The following KREMEN1 variants were observed in gnomAD, a reference collection of about 807,000 sequenced individuals.
KREMEN1 encodes kringle containing transmembrane protein 1.
A neutral mutation model predicts 46.5 loss-of-function variants in KREMEN1; 30 were observed. That is an observed-to-expected ratio of 0.65 (90% CI 0.48 to 0.88). KREMEN1 has a LOEUF of 0.88. Among genes scored for constraint, KREMEN1 ranks in the 40% least tolerant of loss-of-function variants. The pLI is 0.00. For missense variants in KREMEN1, 533 were observed against 596.9 expected (o/e 0.89, Z 1.11); for synonymous variants, 214 against 230.6 (o/e 0.93, Z 0.65).
At chr22:29,138,323 C>T (rs967330574) in intron 6 of KREMEN1, among the ~76,000 whole-genome samples, 2 of 152,198 alleles carry the variant, frequency 1.3e-5, no homozygotes, top group Non-Finnish European at 1.5e-5. Flanking sequence ...AAAAAGCGAA[C>T]CTTCCAGGCA....
chr22:29,131,710 G>GCA (rs2038555687), intron 5 of KREMEN1, among the ~76,000 whole-genome samples: 1 of 125,444 alleles, frequency 8.0e-6, no homozygotes, highest in African/African-American at 3.6e-5. Flanking sequence ...GTATATATAT[G>GCA]TATATATGTA....
At position 29,146,100 on chromosome 22, in the gene KREMEN1, G is replaced by A. The variant is rs1222750399; in HGVS notation, c.*3988G>A. The A allele has an allele frequency of 7.1e-6, 7 of 985,716 alleles. No individual in the cohort carries two copies. Among genetic ancestry groups the A allele is most frequent in the Admixed American group, 6.2e-5 (1 of 16,240 alleles). The allele number at this position is 985,716 out of a possible 1,614,324, so 61.1% of individuals were successfully genotyped here. ...GTCAGGCCAGGTCTCCCACGGAGCC[G>A]GGCAGCTCCACACCCCACCACCTGG... is the stretch of plus-strand genomic sequence containing the variant. On this transcript the variant is annotated 3_prime_UTR_variant, in exon 9 of 9. Transcript: ENST00000400335.
chr22:29,121,004 A>T (rs2038347403), intron 3 of KREMEN1, among the ~76,000 whole-genome samples: 1 of 152,168 alleles, frequency 6.6e-6, no homozygotes, highest in Non-Finnish European at 1.5e-5. Context: ...GCCCTCTGGT[A>T]ACTCTGAAAC....
At position 29,073,299 on chromosome 22, in the gene KREMEN1, C is replaced by A; in HGVS notation, c.97+72C>A. On this transcript the variant is annotated intron_variant, in intron 1 of 8. Coordinates refer to ENST00000400335, the MANE Select transcript of KREMEN1 (RefSeq NM_001039570.3). This position sits in a 1 kb window ranked among gnomAD's most constrained non-coding sequence, Gnocchi z 4.4. ...CGAGGGGCGACAAGGGCCGGCCGGC[C>A]TGAGAGCCCCCTCCCTCCCGCTTCA... The A allele has an allele frequency of 1.8e-6, 1 of 565,056 alleles. No individual in the cohort carries two copies. The highest frequency in any genetic ancestry group is 2.4e-6 in the Non-Finnish European group (1 of 410,224). The allele number at this position is 565,056 out of a possible 1,614,324, so 35.0% of individuals were successfully genotyped here.
intron 5 of KREMEN1, among the ~76,000 whole-genome samples, chr22:29,131,554 ATATATATGTG>A (rs1448277394): frequency 0.072 from 5,197 of 72,684 alleles, 134 homozygotes; most frequent in Non-Finnish European, 0.097. Context: ...ATATATATAT[ATATATATGTG>A]TGTGTGTGTG....
Position 29,145,236 on chromosome 22 carries a change from C to T in KREMEN1, c.*3124C>T. On this transcript the variant is annotated 3_prime_UTR_variant, in exon 9 of 9. Transcript: ENST00000400335. Reference sequence around the variant, plus strand: ...GTGGCACTTGAACTTTTAGGAAACTCCTTAGATGAGATAAAGTGGGGGTTG... The same window carrying T: ...GTGGCACTTGAACTTTTAGGAAACTTCTTAGATGAGATAAAGTGGGGGTTG... 1 of 985,666 alleles carries T rather than the reference C, an allele frequency of 1.0e-6. No homozygotes were observed. The highest frequency in any genetic ancestry group is 4.7e-5 in the South Asian group (1 of 21,294). The allele number at this position is 985,666 out of a possible 1,614,324, so 61.1% of individuals were successfully genotyped here.
chr22:29,106,128 T>C (rs2038055435), intron 3 of KREMEN1, among the ~76,000 whole-genome samples: 1 of 152,266 alleles, frequency 6.6e-6, no homozygotes, highest in South Asian at 2.1e-4. Context: ...GTCAGCACTT[T>C]CTGTGTTTTA....
intron 1 of KREMEN1, among the ~76,000 whole-genome samples, chr22:29,089,367 C>T (rs530308536): frequency 1.3e-5 from 2 of 152,310 alleles, no homozygotes; most frequent in African/African-American, 4.8e-5. Context: ...ATCTGTCTCT[C>T]AGACCCTGTA....
In KREMEN1 at chr22:29,094,298, G is replaced by A. The variant is rs2037844020; in HGVS notation, c.138G>A (p.Gln46=). The A allele has an allele frequency of 3.7e-6, 6 of 1,613,798 alleles. No homozygotes were observed. The highest frequency in any genetic ancestry group is 5.1e-6 in the Non-Finnish European group (6 of 1,179,888). Residue 46 remains glutamine (Q), a synonymous_variant, in exon 2 of 9, where the codon CAG becomes CAA. Transcript: ENST00000400335. The part of the protein sequence containing the change: ...TANGADYRGT[Q]NWTALQGGKP... ...ATGGTGCGGATTATAGGGGAACACA[G>A]AACTGGACAGCACTACAAGGCGGGA...
intron 3 of KREMEN1, among the ~76,000 whole-genome samples, chr22:29,104,132 T>C (rs1489689413): frequency 6.6e-6 from 1 of 151,812 alleles, no homozygotes; most frequent in Non-Finnish European, 1.5e-5. Flanking sequence ...GATTCAAATA[T>C]GTAACATGAT....
chr22:29,138,820 CCA>C (rs780832886), intron 7 of KREMEN1, 38 bp downstream of exon 7: 1 of 1,614,174 alleles, frequency 6.2e-7, no homozygotes, highest in Non-Finnish European at 8.5e-7. Flanking sequence ...GGGCTGGAAG[CCA>C]CAGAGTTGAA....
intron 1 of KREMEN1, among the ~76,000 whole-genome samples, chr22:29,082,382 A>T (rs1385627165): frequency 2.6e-5 from 4 of 152,134 alleles, no homozygotes; most frequent in Non-Finnish European, 5.9e-5. Flanking sequence ...TAAATAGCAG[A>T]GTCCCTGGTT....
chr22:29,125,090 T>C (rs929134993), intron 4 of KREMEN1, 173 bp from the exon 5 acceptor site: 12 of 669,018 alleles, frequency 1.8e-5, no homozygotes, highest in Admixed American at 7.3e-5. Flanking sequence ...TGCGTACTTA[T>C]TGTTCAGCTT....
At chr22:29,163,079 A>G (rs2039024931) in intron 9 of KREMEN1, among the ~76,000 whole-genome samples, 1 of 152,018 alleles carries the variant, frequency 6.6e-6, no homozygotes, top group African/African-American at 2.4e-5. Flanking sequence ...CTGCTTGCCA[A>G]GGAGGGACCT....
rs2038477692 is a variant in KREMEN1 at position 29,128,321 on chromosome 22, T to C, written c.631+2905T>C. 2.0e-5 allele frequency among the ~76,000 whole-genome samples: 3 copies of C among 152,208 alleles called. 1 individual carries two copies. In the South Asian group the frequency reaches 6.2e-4, roughly 31 times the overall value. ...ATATTTTCAATTTACAATGAGTTTA[T>C]CAGGACATAACCCCATTATAAGTCA... On this transcript the variant is annotated intron_variant, in intron 5 of 8. Coordinates refer to ENST00000400335, the MANE Select transcript of KREMEN1 (RefSeq NM_001039570.3).
intron 1 of KREMEN1, among the ~76,000 whole-genome samples, chr22:29,093,769 G>A (rs886158903): frequency 3.9e-5 from 6 of 152,130 alleles, no homozygotes; most frequent in African/African-American, 7.2e-5. Context: ...TGCTGTATCC[G>A]ATGATCTTAT....
intron 3 of KREMEN1, among the ~76,000 whole-genome samples, chr22:29,103,039 C>T (rs1299628838): frequency 1.3e-5 from 2 of 152,146 alleles, no homozygotes; most frequent in Non-Finnish European, 2.9e-5. Flanking sequence ...ACCTGTTTTA[C>T]AGTTTGTAGC....
chr22:29,107,377 C>T (rs112206054), intron 3 of KREMEN1, among the ~76,000 whole-genome samples: 3,599 of 151,940 alleles, frequency 0.024, 128 homozygotes, highest in African/African-American at 0.072. Flanking sequence ...TGCCCACAAC[C>T]GTGCCCAGCT....
intron 7 of KREMEN1, among the ~76,000 whole-genome samples, chr22:29,139,594 C>T (rs1435123536): frequency 6.6e-6 from 1 of 151,874 alleles, no homozygotes; most frequent in Non-Finnish European, 1.5e-5. Context: ...CAGAATGAGA[C>T]CTTGTCTCAA....
Sources: gnomAD v4.1 joint callset for allele counts (sites outside exome capture counted in the v4.1 genomes callset) on GRCh38, gnomAD v4.1.1 for gene constraint, Gnocchi (gnomAD v3.1) non-coding constraint, MANE v1.5 for transcripts, NCBI Gene and HGNC (gene_info 2026-07-23, HGNC 2026-07-21) for gene names.